The following DYNC2H1 variants were observed in gnomAD, a reference collection of about 807,000 sequenced individuals.
DYNC2H1 encodes cytoplasmic dynein 2 heavy chain 1.
A neutral mutation model predicts 570.0 loss-of-function variants in DYNC2H1; 410 were observed. That is an observed-to-expected ratio of 0.72 (90% CI 0.66 to 0.78). DYNC2H1 has a LOEUF of 0.78. Ranked by LOEUF, DYNC2H1 falls within the 30% of genes least tolerant of loss-of-function variation. The probability of loss-of-function intolerance (pLI) is 0.00; values close to 1 mark genes in which losing one functional copy is unlikely to be tolerated. For missense variants in DYNC2H1, 4,865 were observed against 5,046.4 expected (o/e 0.96, Z 1.09); for synonymous variants, 1,688 against 1,677.6 (o/e 1.01, Z -0.15).
intron 84 of DYNC2H1, chr11:103,407,767 C>G (rs923681823): frequency 1.3e-5 from 2 of 151,926 alleles, no homozygotes; most frequent in Non-Finnish European, 2.9e-5. Context: ...GCCTGAGGCT[C>G]TGATTCTCCT....
chr11:103,412,488 T>C (rs1943128143), intron 84 of DYNC2H1, among the ~76,000 whole-genome samples: 1 of 152,196 alleles, frequency 6.6e-6, no homozygotes, highest in African/African-American at 2.4e-5. Flanking sequence ...TTGCTTTATC[T>C]TACTGAATAA....
At chr11:103,226,147 A>G (rs1470346525) in intron 59 of DYNC2H1, among the ~76,000 whole-genome samples, 1 of 152,146 alleles carries the variant, frequency 6.6e-6, no homozygotes, top group Non-Finnish European at 1.5e-5. Context: ...ATATAATAGT[A>G]TCATCAGCAA....
intron 57 of DYNC2H1, among the ~76,000 whole-genome samples, chr11:103,221,786 G>A (rs1863598764): frequency 6.6e-6 from 1 of 152,136 alleles, no homozygotes; most frequent in Non-Finnish European, 1.5e-5. Context: ...AGCCCAGGAG[G>A]TGGAGATTGC....
rs576204512 is a variant in DYNC2H1, at chr11:103,134,363, C to A, written c.2149C>A (p.Arg717Ser). ...TATTGATCTGCTTCGGCAGCAACAGCGCTGGAAAGATGGATTACAAGAATT... is the reference window on the plus strand; with the variant it reads ...TATTGATCTGCTTCGGCAGCAACAGAGCTGGAAAGATGGATTACAAGAATT... ...MNIDLLRQQQ[R>S]WKDGLQELRT... The change falls in exon 15 of 89, where the codon CGC (arginine) becomes AGC (serine). Residue 717 changes from arginine to serine, a missense_variant. This residue lies in a region of DYNC2H1 where 1,936 missense variants were observed against 1,962.1 expected (regional missense o/e 0.99). Transcript: ENST00000375735. 2 of 1,611,962 alleles carry A rather than the reference C, an allele frequency of 1.2e-6. No homozygotes were observed. Among genetic ancestry groups the A allele is most frequent in the East Asian group, 2.2e-5 (1 of 44,800 alleles).
chr11:103,259,304 C>A (rs1231095455), intron 69 of DYNC2H1, among the ~76,000 whole-genome samples: 1 of 152,100 alleles, frequency 6.6e-6, no homozygotes, highest in African/African-American at 2.4e-5. Context: ...AACAATTTTT[C>A]TTTAATCAAA....
At chr11:103,258,115 T>A (rs540506843) in intron 69 of DYNC2H1, among the ~76,000 whole-genome samples, 8 of 152,212 alleles carry the variant, frequency 5.3e-5, no homozygotes, top group African/African-American at 1.9e-4. Context: ...ATCCTTGTTG[T>A]TTAAGGCAGT....
Position 103,252,061 on chromosome 11 carries a change from A to G in DYNC2H1, c.10043-1224A>G, listed in dbSNP as rs1265757724. On this transcript the variant is annotated intron_variant, in intron 65 of 88. Coordinates refer to ENST00000375735, the MANE Select transcript of DYNC2H1 (RefSeq NM_001377.3). This position sits in a 1 kb window ranked among gnomAD's most constrained non-coding sequence, Gnocchi z 4.6. Reference sequence around the variant, plus strand: ...GGCCTCAGCCTCCTGAGTATGTTGGACTATAGGCACATACCATCATGCCCA... The same window carrying G: ...GGCCTCAGCCTCCTGAGTATGTTGGGCTATAGGCACATACCATCATGCCCA... Among the ~76,000 whole-genome samples the G allele has an allele frequency of 6.6e-6, 1 of 151,742 alleles. No individual in the cohort carries two copies. Among genetic ancestry groups the G allele is most frequent in the Non-Finnish European group, 1.5e-5 (1 of 67,970 alleles).
chr11:103,193,456 CCTGT>C (rs1353351634), intron 47 of DYNC2H1, among the ~76,000 whole-genome samples: 9 of 152,004 alleles, frequency 5.9e-5, no homozygotes, highest in Non-Finnish European at 8.8e-5. Context: ...TTCACAGTCT[CCTGT>C]CTAAGACTCA....
chr11:103,372,534 A>G (rs1941214049), intron 83 of DYNC2H1, among the ~76,000 whole-genome samples: 2 of 151,934 alleles, frequency 1.3e-5, no homozygotes, highest in South Asian at 4.1e-4. Context: ...ATTTTTATTC[A>G]TTTGTATATG....
intron 82 of DYNC2H1, among the ~76,000 whole-genome samples, chr11:103,347,519 CAA>C (rs1017363861): frequency 5.8e-4 from 54 of 93,040 alleles, no homozygotes; most frequent in African/African-American, 1.9e-3. Flanking sequence ...GGAATAAAAA[CAA>C]GAGGGAGATG....
At chr11:103,210,385 CATT>C (rs1428100090) in intron 53 of DYNC2H1, among the ~76,000 whole-genome samples, 1 of 151,886 alleles carries the variant, frequency 6.6e-6, no homozygotes, top group African/African-American at 2.4e-5. Flanking sequence ...ATAATATTCT[CATT>C]ATTTTCTCTT....
rs767504529 is a variant in DYNC2H1 at position 103,125,309 on chromosome 11, T to G, written c.1857+14T>G. The G allele has an allele frequency of 6.4e-7, 1 of 1,569,088 alleles. No individual in the cohort carries two copies. The highest frequency in any genetic ancestry group is 8.7e-7 in the Non-Finnish European group (1 of 1,154,286). The stretch of plus-strand genomic sequence containing the variant: ...ATTCTTAAACAAGTATGAAATTACA[T>G]TTTTTGAATACCTGCCTATTTGGAG... On this transcript the variant is annotated intron_variant, in intron 12 of 88. Coordinates refer to ENST00000375735, the MANE Select transcript of DYNC2H1 (RefSeq NM_001377.3).
chr11:103,187,690 A>G, intron 43 of DYNC2H1, 104 bp downstream of exon 43: 1 of 1,372,476 alleles, frequency 7.3e-7, no homozygotes, highest in Non-Finnish European at 9.8e-7. Flanking sequence ...AGTTTTATCT[A>G]GCATTTGTCA....
intron 79 of DYNC2H1, among the ~76,000 whole-genome samples, chr11:103,313,365 T>G (rs1418967967): frequency 6.6e-6 from 1 of 152,236 alleles, no homozygotes; most frequent in East Asian, 1.9e-4. Context: ...ATGGCAGTCA[T>G]ATCTGGTACT....
At chr11:103,176,698 A>C (rs1367607109) in intron 37 of DYNC2H1, among the ~76,000 whole-genome samples, 1 of 151,698 alleles carries the variant, frequency 6.6e-6, no homozygotes, top group East Asian at 1.9e-4. Context: ...GGATCCATGT[A>C]TATATATATT....
intron 83 of DYNC2H1, among the ~76,000 whole-genome samples, chr11:103,385,558 T>A (rs921959711): frequency 5.3e-5 from 8 of 152,318 alleles, no homozygotes; most frequent in Non-Finnish European, 1.0e-4. Context: ...TCAGAAAGGA[T>A]AATAAAACTT....
At position 103,243,677 on chromosome 11, in the gene DYNC2H1, C is replaced by CT. The variant is rs771451646; in HGVS notation, c.9820-8dup. The CT allele has an allele frequency of 2.4e-5, 37 of 1,543,242 alleles. No individual in the cohort carries two copies. The highest frequency in any genetic ancestry group is 5.5e-5 in the African/African-American group (4 of 72,780). On this transcript the variant is annotated splice_polypyrimidine_tract_variant and intron_variant, in intron 63 of 88. Transcript: ENST00000375735. This position sits in a 1 kb window ranked among gnomAD's most constrained non-coding sequence, Gnocchi z 4.8. The stretch of plus-strand genomic sequence containing the variant: ...TAATCATTAAAAAACATTACTTTTC[C>CT]TTTTTTTTATACTAGAGTCGAGTGT...
intron 45 of DYNC2H1, among the ~76,000 whole-genome samples, chr11:103,190,546 G>A (rs1260577987): frequency 1.3e-5 from 2 of 152,150 alleles, no homozygotes; most frequent in African/African-American, 4.8e-5. Context: ...AATTCACCAA[G>A]TTGCTGGAGG....
chr11:103,273,000 T>G (rs1292729998), intron 70 of DYNC2H1, among the ~76,000 whole-genome samples: 2 of 152,106 alleles, frequency 1.3e-5, no homozygotes, highest in African/African-American at 4.8e-5. Flanking sequence ...TTTCTTGATC[T>G]GATAAAGCAA....
Sources: gnomAD v4.1 joint callset for allele counts (sites outside exome capture counted in the v4.1 genomes callset) on GRCh38, gnomAD v4.1.1 for gene constraint, gnomAD v4.1.1 regional missense constraint, Gnocchi (gnomAD v3.1) non-coding constraint, MANE v1.5 for transcripts, NCBI Gene and HGNC (gene_info 2026-07-23, HGNC 2026-07-21) for gene names.